Variants in KCNU1 observed in about 807,000 individuals in gnomAD.
The protein encoded by KCNU1 is potassium calcium-activated channel subfamily U member 1.
A neutral mutation model predicts 126.8 loss-of-function variants in KCNU1; 93 were observed. The ratio of observed to expected loss-of-function variants is 0.73; its 90% CI spans 0.62 to 0.87. The LOEUF (loss-of-function observed/expected upper bound fraction) is 0.87. KCNU1 is among the 40% of genes least tolerant of loss of function. The pLI, the probability that KCNU1 is intolerant of heterozygous loss-of-function variation, is 0.00. For synonymous variants in KCNU1, 523 were observed against 494.2 expected (o/e 1.06, Z -0.77); for missense variants, 1,330 against 1,367.1 (o/e 0.97, Z 0.43).
intron 12 of KCNU1, 86 bp from the exon 13 acceptor site, chr8:36,836,210 A>T: frequency 1.2e-6 from 1 of 830,194 alleles, no homozygotes; most frequent in Non-Finnish European, 2.0e-6. Flanking sequence ...ACTTACCTAC[A>T]TATCAATTTA....
Position 36,808,772 on chromosome 8 carries a change from A to T in KCNU1, c.711A>T (p.Thr237=), listed in dbSNP as rs1372524224. ...CAATAATTCTCAGTACCTGGTTCAC[A>T]GCTGCGGGATTCATTCACCTGGTAA... The part of the protein sequence containing the change: ...LLSIILSTWF[T]AAGFIHLVEN... The change falls in exon 7 of 27, where the codon ACA becomes ACT. Residue 237 remains threonine, a synonymous_variant. Coordinates refer to ENST00000399881, the MANE Select transcript of KCNU1 (RefSeq NM_001031836.3). 1 of 1,611,340 alleles carries T rather than the reference A, an allele frequency of 6.2e-7. No homozygotes were observed. The highest frequency in any genetic ancestry group is 1.7e-4 in the Middle Eastern group (1 of 6,058).
Position 36,808,063 on chromosome 8 carries a change from G to C in KCNU1, c.656+613G>C, listed in dbSNP as rs370106337. On this transcript the variant is annotated intron_variant, in intron 6 of 26. Transcript: ENST00000399881. ...CAAACTAGAAGCATCAAATATTAGA[G>C]GCCAGGTGGATTTCACTGCTACGTG... Among the ~76,000 whole-genome samples, 25 of 152,228 alleles carry C rather than the reference G, an allele frequency of 1.6e-4. 1 individual carries two copies. The highest frequency in any genetic ancestry group is 5.8e-4 in the African/African-American group (24 of 41,538).
chr8:36,918,340 G>C, intron 22 of KCNU1, among the ~76,000 whole-genome samples: 1 of 151,970 alleles, frequency 6.6e-6, no homozygotes, highest in Non-Finnish European at 1.5e-5. Context: ...CTGGGAGTTT[G>C]CAAGCAGCCT....
In KCNU1 at chr8:36,784,616, T is replaced by C. The variant is rs1292666501; in HGVS notation, c.195+11T>C. The C allele has an allele frequency of 6.3e-7, 1 of 1,595,964 alleles. No homozygotes were observed. Among genetic ancestry groups the C allele is most frequent in the East Asian group, 2.2e-5 (1 of 44,714 alleles). On this transcript the variant is annotated intron_variant, in intron 1 of 26. Coordinates refer to ENST00000399881, the MANE Select transcript of KCNU1 (RefSeq NM_001031836.3). Reference sequence around the variant, plus strand: ...ACAGGAATTATCTTGGTCAGTTTCCTTGTTAGGGATCCCTCTGTGTGAAGT... The same window carrying C: ...ACAGGAATTATCTTGGTCAGTTTCCCTGTTAGGGATCCCTCTGTGTGAAGT...
At chr8:36,893,462 T>C (rs1026874081) in intron 19 of KCNU1, among the ~76,000 whole-genome samples, 6 of 152,064 alleles carry the variant, frequency 3.9e-5, no homozygotes, top group Admixed American at 2.0e-4. Flanking sequence ...AGATAAGCCC[T>C]GTGAGTGTGC....
intron 25 of KCNU1, among the ~76,000 whole-genome samples, chr8:36,931,787 G>T (rs929043131): frequency 6.6e-6 from 1 of 152,046 alleles, no homozygotes; most frequent in Non-Finnish European, 1.5e-5. Flanking sequence ...GAATCTGGCT[G>T]CACTGGCCAG....
chr8:36,843,532 T>A (rs1467761084), intron 16 of KCNU1, among the ~76,000 whole-genome samples: 1 of 152,194 alleles, frequency 6.6e-6, no homozygotes, highest in Non-Finnish European at 1.5e-5. Context: ...AAAGTTTTAA[T>A]GATTTTCCCA....
chr8:36,841,145 TC>T, intron 16 of KCNU1, 142 bp downstream of exon 16: 2 of 638,902 alleles, frequency 3.1e-6, no homozygotes, highest in Non-Finnish European at 5.5e-6. Flanking sequence ...AGAGGCAGCC[TC>T]TGGGGCTCTC....
intron 22 of KCNU1, 105 bp from the exon 23 acceptor site, chr8:36,918,718 A>T (rs117978277): frequency 1.3e-6 from 1 of 756,754 alleles, no homozygotes; most frequent in Non-Finnish European, 2.3e-6. Context: ...ACATGAAAGT[A>T]ACTTTGCTAA....
chr8:36,787,302 G>A lies in KCNU1; in HGVS notation c.196-4G>A. Reference sequence around the variant, plus strand: ...CATTGTCAATTTCTTTCTCTTGATTGTAGGAACTGTTCACATCAGGTACCA... The same window carrying A: ...CATTGTCAATTTCTTTCTCTTGATTATAGGAACTGTTCACATCAGGTACCA... On this transcript the variant is annotated splice_polypyrimidine_tract_variant and splice_region_variant and intron_variant, in intron 1 of 26. Coordinates refer to ENST00000399881, the MANE Select transcript of KCNU1 (RefSeq NM_001031836.3). 1 of 1,605,144 alleles carries A rather than the reference G, an allele frequency of 6.2e-7. No homozygotes were observed. The highest frequency in any genetic ancestry group is 8.5e-7 in the Non-Finnish European group (1 of 1,175,320).
chr8:36,932,535 G>A (rs2117618183), intron 25 of KCNU1, among the ~76,000 whole-genome samples: 1 of 152,012 alleles, frequency 6.6e-6, no homozygotes, highest in Middle Eastern at 3.4e-3. Context: ...TTTACAGTAG[G>A]GTAAGATGAC....
chr8:36,842,369 A>T (rs16885498), intron 16 of KCNU1, among the ~76,000 whole-genome samples: 3,709 of 152,322 alleles, frequency 0.024, 163 homozygotes, highest in African/African-American at 0.083. Flanking sequence ...TGGGTAGAAG[A>T]TGTCAGTGGG....
In KCNU1 at chr8:36,874,534, A is replaced by C. The variant is rs567648392; in HGVS notation, c.2009+10013A>C. Among the ~76,000 whole-genome samples, 3 of 152,130 alleles carry C rather than the reference A, an allele frequency of 2.0e-5. No homozygotes were observed. In the South Asian group the frequency reaches 6.2e-4, roughly 32 times the overall value. On this transcript the variant is annotated intron_variant, in intron 19 of 26. Coordinates refer to ENST00000399881, the MANE Select transcript of KCNU1 (RefSeq NM_001031836.3). ...TGATGTCCCAGGCACAGGTGCCACC[A>C]CGTGCCCTCCCTGGGCAGGAGGTCT...
In KCNU1 at chr8:36,930,987, A is replaced by T; in HGVS notation, c.2773A>T (p.Met925Leu). ...YNYHVLELLQ[M>L]LVTGGVSSQL... ...TTATCATGTCCTGGAATTGCTTCAG[A>T]TGCTGGTGACAGGAGGAGTAAGTTC... Residue 925 changes from methionine to leucine, a missense_variant, in exon 25 of 27, where the codon ATG becomes TTG. Met to Leu is a conservative substitution (Grantham distance 15). This residue lies in a region of KCNU1 where 1,054 missense variants were observed against 1,053.9 expected (regional missense o/e 1.00). Coordinates refer to ENST00000399881, the MANE Select transcript of KCNU1 (RefSeq NM_001031836.3). The T allele has an allele frequency of 6.2e-7, 1 of 1,608,686 alleles. No homozygotes were observed.
intron 21 of KCNU1, 137 bp from the exon 22 acceptor site, chr8:36,910,793 A>C (rs1290868066): frequency 1.8e-6 from 1 of 557,698 alleles, no homozygotes; most frequent in Admixed American, 3.1e-5. Flanking sequence ...TGAGGTAACT[A>C]AGTTTTAAAA....
rs770288503 is a variant in KCNU1 at position 36,911,005 on chromosome 8, C to G, written c.2407C>G (p.Pro803Ala). The change falls in exon 22 of 27, where the codon CCA (proline) becomes GCA (alanine). Residue 803 changes from proline to alanine, a missense_variant. Physicochemically the swap from Pro to Ala is conservative, Grantham distance 27 (BLOSUM62 -1). Transcript: ENST00000399881. ...QCSMCAVLSP[P>A]PQPSSNQTLV... ...CTCCATGTGTGCTGTCTTGTCCCCC[C>G]CACCCCAGCCATCAAGCAACCAGAC... The G allele has an allele frequency of 9.9e-6, 16 of 1,613,516 alleles. No individual in the cohort carries two copies. Among genetic ancestry groups the G allele is most frequent in the African/African-American group, 5.3e-5 (4 of 74,874 alleles).
At position 36,929,881 on chromosome 8, in the gene KCNU1, A is replaced by C. The variant is rs541618135; in HGVS notation, c.2737-1070A>C. 2.0e-5 allele frequency among the ~76,000 whole-genome samples: 3 copies of C among 152,226 alleles called. No homozygotes were observed. In the East Asian group the frequency reaches 5.8e-4, roughly 29 times the overall value. The stretch of plus-strand genomic sequence containing the variant: ...TTTGTGTTTCTGGGAATTGCTGTGG[A>C]AGCATTGTAAACAATGGGTTGCAGA... On this transcript the variant is annotated intron_variant, in intron 24 of 26. Coordinates refer to ENST00000399881, the MANE Select transcript of KCNU1 (RefSeq NM_001031836.3).
chr8:36,902,207 G>T (rs1807446795), intron 19 of KCNU1, among the ~76,000 whole-genome samples: 1 of 152,064 alleles, frequency 6.6e-6, no homozygotes, highest in Non-Finnish European at 1.5e-5. Context: ...TTTCCTTTAA[G>T]GCATATCTGT....
chr8:36,913,853 G>A (rs540219701), intron 22 of KCNU1, among the ~76,000 whole-genome samples: 211 of 151,898 alleles, frequency 1.4e-3, no homozygotes, highest in African/African-American at 4.6e-3. Flanking sequence ...CGTCTGCCTC[G>A]GCCTCCCAAA....
Sources: allele counts gnomAD v4.1 joint callset (sites outside exome capture counted in the v4.1 genomes callset), GRCh38; gene constraint gnomAD v4.1.1; regional missense constraint gnomAD v4.1.1; transcripts MANE v1.5; gene names NCBI Gene and HGNC (gene_info 2026-07-23, HGNC 2026-07-21).